CSMD1: variants seen among roughly 807,000 people sequenced by gnomAD.
The protein encoded by CSMD1 is CUB and Sushi multiple domains 1, also known as CUB and sushi domain-containing protein 1.
A neutral mutation model predicts 417.5 loss-of-function variants in CSMD1; 213 were observed. The ratio of observed to expected loss-of-function variants is 0.51; its 90% CI spans 0.46 to 0.57. The LOEUF is 0.57. Ranked by LOEUF, CSMD1 falls within the 20% of genes least tolerant of loss-of-function variation. The pLI is 0.00. For missense variants in CSMD1, 6,923 were observed against 4,529.7 expected (o/e 1.53, Z -15.17); for synonymous variants, 2,862 against 1,736.8 (o/e 1.65, Z -16.11).
intron 6 of CSMD1, among the ~76,000 whole-genome samples, chr8:3,734,207 G>A (rs1320282901): frequency 6.6e-6 from 1 of 152,194 alleles, no homozygotes; most frequent in Admixed American, 6.5e-5. Context: ...TTGGAAGCCT[G>A]CATTTCACGA....
chr8:4,339,955 T>G (rs560694321), intron 3 of CSMD1, among the ~76,000 whole-genome samples: 15 of 152,140 alleles, frequency 9.9e-5, no homozygotes, highest in Non-Finnish European at 2.1e-4. Context: ...AGTTCATAAG[T>G]TGGAGGTTCA....
rs561039363 is a variant in CSMD1 at position 3,985,902 on chromosome 8, T to G, written c.818+12001A>C. On this transcript the variant is annotated intron_variant, in intron 5 of 69. Transcript: ENST00000635120. ...TCCCAATTCATCGTGCACTCTTACT[T>G]TGAACATTTCAAACCATTTTGCATA... Among the ~76,000 whole-genome samples the G allele has an allele frequency of 6.0e-5, 9 of 150,946 alleles. No individual in the cohort carries two copies. In the South Asian group the frequency reaches 1.9e-3, roughly 32 times the overall value.
chr8:4,197,031 T>C (rs958468787), intron 3 of CSMD1, among the ~76,000 whole-genome samples: 12 of 152,222 alleles, frequency 7.9e-5, no homozygotes, highest in African/African-American at 2.9e-4. Flanking sequence ...ATATTTCCTT[T>C]TCTGTTAAAT....
intron 5 of CSMD1, among the ~76,000 whole-genome samples, chr8:3,924,536 G>C (rs62480127): frequency 0.076 from 11,576 of 152,090 alleles, 500 homozygotes; most frequent in South Asian, 0.15. Context: ...CGGTGGACTT[G>C]CTTCATTTTT....
intron 7 of CSMD1, among the ~76,000 whole-genome samples, chr8:3,626,940 T>C (rs369723582): frequency 6.6e-6 from 1 of 151,320 alleles, no homozygotes; most frequent in Non-Finnish European, 1.5e-5. Flanking sequence ...TATTATACAG[T>C]TTTAAATACA....
intron 12 of CSMD1, among the ~76,000 whole-genome samples, chr8:3,447,829 G>A (rs1295352394): frequency 6.6e-6 from 1 of 152,118 alleles, no homozygotes. Flanking sequence ...CCATTTTTGG[G>A]TTTGAGATGG....
In CSMD1 at chr8:3,329,431, T is replaced by C. The variant is rs1806747145; in HGVS notation, c.3631+13863A>G. Among the ~76,000 whole-genome samples, 4 of 152,096 alleles carry C rather than the reference T, an allele frequency of 2.6e-5. No individual in the cohort carries two copies. In the South Asian group the frequency reaches 8.3e-4, roughly 31 times the overall value. ...TCAAGCAGATGGAGAGTTCGAGATGTGTTCCACATTACAGGGGAGCATATA... is the reference window on the plus strand; with the variant it reads ...TCAAGCAGATGGAGAGTTCGAGATGCGTTCCACATTACAGGGGAGCATATA... On this transcript the variant is annotated intron_variant, in intron 23 of 69. Transcript: ENST00000635120.
chr8:3,075,845 TC>T (rs1339625992), intron 49 of CSMD1, among the ~76,000 whole-genome samples: 2 of 148,338 alleles, frequency 1.3e-5, no homozygotes, highest in East Asian at 4.0e-4. Context: ...ATCGAGACCA[TC>T]CTGGGTAACA....
chr8:3,121,872 A>C (rs1034232243), intron 41 of CSMD1, among the ~76,000 whole-genome samples: 1 of 152,194 alleles, frequency 6.6e-6, no homozygotes, highest in East Asian at 1.9e-4. Flanking sequence ...ATCAGTGTGA[A>C]TATCAAGTAA....
intron 3 of CSMD1, among the ~76,000 whole-genome samples, chr8:4,172,629 T>A (rs1302955650): frequency 6.6e-6 from 1 of 152,184 alleles, no homozygotes; most frequent in Non-Finnish European, 1.5e-5. Flanking sequence ...CCTCCTGGTA[T>A]TTATGAACTC....
At chr8:4,108,380 A>G (rs894519479) in intron 3 of CSMD1, among the ~76,000 whole-genome samples, 3 of 152,216 alleles carry the variant, frequency 2.0e-5, no homozygotes, top group African/African-American at 7.2e-5. Flanking sequence ...ATCTGTATCA[A>G]GAACTACTCT....
intron 7 of CSMD1, among the ~76,000 whole-genome samples, chr8:3,627,629 G>C (rs1796560279): frequency 6.6e-6 from 1 of 152,066 alleles, no homozygotes; most frequent in African/African-American, 2.4e-5. Flanking sequence ...TGTTTATAGG[G>C]AACTATGAGA....
At chr8:3,970,607 C>A (rs184127219) in intron 5 of CSMD1, among the ~76,000 whole-genome samples, 3 of 152,236 alleles carry the variant, frequency 2.0e-5, no homozygotes, top group South Asian at 2.1e-4. Flanking sequence ...AGCAAAGGAT[C>A]TAGGGAAACT....
At chr8:4,556,432 G>A (rs780001054) in intron 2 of CSMD1, among the ~76,000 whole-genome samples, 11 of 152,220 alleles carry the variant, frequency 7.2e-5, no homozygotes, top group South Asian at 4.1e-4. Flanking sequence ...AGGGTACAGA[G>A]GACATATCGC....
intron 25 of CSMD1, among the ~76,000 whole-genome samples, chr8:3,303,752 C>A (rs1340082479): frequency 6.6e-6 from 1 of 152,146 alleles, no homozygotes; most frequent in African/African-American, 2.4e-5. Context: ...CTGTGCCCAG[C>A]AATGAAATAT....
chr8:4,044,535 T>G (rs1414066625), intron 3 of CSMD1, among the ~76,000 whole-genome samples: 1 of 152,198 alleles, frequency 6.6e-6, no homozygotes, highest in African/African-American at 2.4e-5. Flanking sequence ...AGCAGGACAC[T>G]TCATTCCATC....
chr8:4,743,132 T>A (rs1023955358), intron 1 of CSMD1, among the ~76,000 whole-genome samples: 1 of 152,106 alleles, frequency 6.6e-6, no homozygotes, highest in Admixed American at 6.6e-5. Context: ...CCAAGAAAAA[T>A]AACCAAACTT....
chr8:4,713,074 G>T (rs769771710), intron 1 of CSMD1, among the ~76,000 whole-genome samples: 2 of 152,164 alleles, frequency 1.3e-5, no homozygotes, highest in East Asian at 1.9e-4. Flanking sequence ...ATCGGTCCCC[G>T]CTGCACCTCA....
chr8:3,712,174 T>C (rs554463591), intron 6 of CSMD1, among the ~76,000 whole-genome samples: 2 of 125,186 alleles, frequency 1.6e-5, no homozygotes, highest in South Asian at 2.5e-4. Context: ...CGTTCTCTTA[T>C]TGGACAGCTC....
Sources: gnomAD v4.1 joint callset for allele counts (sites outside exome capture counted in the v4.1 genomes callset) on GRCh38, gnomAD v4.1.1 for gene constraint, MANE v1.5 for transcripts, NCBI Gene and HGNC (gene_info 2026-07-23, HGNC 2026-07-21) for gene names.